Variants in PARD3B observed in about 807,000 individuals in gnomAD.
PARD3B encodes the protein partitioning defective 3 homolog B.
Under a neutral mutation model 130.2 loss-of-function variants are expected in PARD3B, and 103 were observed. That is an observed-to-expected ratio of 0.79 (90% CI 0.67 to 0.93). The LOEUF (loss-of-function observed/expected upper bound fraction) is 0.93. PARD3B is among the 40% of genes least tolerant of loss of function. The pLI is 0.00. For missense variants in PARD3B, 1,609 were observed against 1,499.2 expected, an observed-to-expected ratio of 1.07 and a Z score of -1.21; for synonymous variants, 583 against 553.2, an observed-to-expected ratio of 1.05 and a Z score of -0.76.
chr2:204,794,006 A>G (rs2042283683), intron 2 of PARD3B, among the ~76,000 whole-genome samples: 2 of 152,136 alleles, frequency 1.3e-5, no homozygotes, highest in Non-Finnish European at 2.9e-5. Flanking sequence ...GATTTGTGTA[A>G]TCTCAATATG....
chr2:205,127,261 C>A (rs542573102), intron 10 of PARD3B, among the ~76,000 whole-genome samples: 4 of 142,100 alleles, frequency 2.8e-5, no homozygotes, highest in African/African-American at 1.1e-4. Flanking sequence ...TGCACGAGTG[C>A]GCTCCAGCCT....
chr2:205,248,871 T>G (rs1484465113), intron 16 of PARD3B, among the ~76,000 whole-genome samples: 1 of 152,080 alleles, frequency 6.6e-6, no homozygotes, highest in African/African-American at 2.4e-5. Flanking sequence ...CCTCCCAAAG[T>G]GCTGGGATTA....
chr2:205,311,331 T>C (rs2042379286), intron 18 of PARD3B, among the ~76,000 whole-genome samples: 2 of 152,322 alleles, frequency 1.3e-5, no homozygotes, highest in East Asian at 1.9e-4. Context: ...CCGACACTTA[T>C]CTTTCATGTT....
chr2:205,052,560 A>T (rs1699297298), intron 4 of PARD3B, among the ~76,000 whole-genome samples: 1 of 150,056 alleles, frequency 6.7e-6, no homozygotes, highest in Non-Finnish European at 1.5e-5. Flanking sequence ...TAGCCAGGGG[A>T]TGGGGGTGTG....
chr2:204,643,435 A>G (rs536058482), intron 1 of PARD3B, among the ~76,000 whole-genome samples: 1 of 152,126 alleles, frequency 6.6e-6, no homozygotes, highest in East Asian at 1.9e-4. Flanking sequence ...ACCATCTCAA[A>G]CACATGTCTA....
intron 20 of PARD3B, among the ~76,000 whole-genome samples, chr2:205,474,182 A>G (rs2048946029): frequency 6.6e-6 from 1 of 152,060 alleles, no homozygotes; most frequent in South Asian, 2.1e-4. Flanking sequence ...TATTATTTAA[A>G]GATATACTTT....
intron 20 of PARD3B, among the ~76,000 whole-genome samples, chr2:205,447,006 GT>G (rs1228414531): frequency 6.6e-6 from 1 of 152,168 alleles, no homozygotes; most frequent in African/African-American, 2.4e-5. Context: ...TGCCAAATGG[GT>G]TTGATTGCAC....
rs1205933583 is a variant in PARD3B, at chr2:205,609,926, G to A, written c.3261-5530G>A. Among the ~76,000 whole-genome samples, 4 of 152,338 alleles carry A rather than the reference G, an allele frequency of 2.6e-5. No homozygotes were observed. In the East Asian group the frequency reaches 7.7e-4, roughly 29 times the overall value. On this transcript the variant is annotated intron_variant, in intron 22 of 22. Transcript: ENST00000406610. ...TACACTCTGCCTTGAGACATGTAGA[G>A]GAAGTGTGCTCAGTTCTGTATTGCA...
chr2:205,275,404 A>C (rs2040899760), intron 16 of PARD3B, among the ~76,000 whole-genome samples: 3 of 152,210 alleles, frequency 2.0e-5, no homozygotes, highest in Admixed American at 2.0e-4. Context: ...TTCGGCTATA[A>C]AAATCAGGAG....
In PARD3B at chr2:205,274,009, C is replaced by G. The variant is rs2040844182; in HGVS notation, c.2186-26521C>G. Among the ~76,000 whole-genome samples the G allele has an allele frequency of 6.6e-6, 1 of 152,104 alleles. No individual in the cohort carries two copies. Among genetic ancestry groups the G allele is most frequent in the African/African-American group, 2.4e-5 (1 of 41,414 alleles). On this transcript the variant is annotated intron_variant, in intron 16 of 22. Transcript: ENST00000406610. This position sits in a 1 kb window ranked among gnomAD's most constrained non-coding sequence, Gnocchi z 4.2. Reference sequence around the variant, plus strand: ...ACCACCATGAGTGTGTGTAATTACTCTGGTTACTTCATTGCACATTTGAGG... The same window carrying G: ...ACCACCATGAGTGTGTGTAATTACTGTGGTTACTTCATTGCACATTTGAGG...
intron 2 of PARD3B, among the ~76,000 whole-genome samples, chr2:204,788,871 A>G (rs935253484): frequency 6.6e-6 from 1 of 152,228 alleles, no homozygotes; most frequent in African/African-American, 2.4e-5. Flanking sequence ...TTTTTATACA[A>G]CATTATGTAT....
intron 18 of PARD3B, among the ~76,000 whole-genome samples, chr2:205,310,281 G>T (rs1014904899): frequency 2.0e-5 from 3 of 151,680 alleles, no homozygotes; most frequent in Admixed American, 1.3e-4. Flanking sequence ...TAGAGACGGG[G>T]TTTCACCATG....
At chr2:204,988,734 T>C (rs1693393197) in intron 3 of PARD3B, among the ~76,000 whole-genome samples, 1 of 152,174 alleles carries the variant, frequency 6.6e-6, no homozygotes, top group African/African-American at 2.4e-5. Flanking sequence ...GTTCTTCATA[T>C]CATACTCCTG....
At chr2:204,919,273 A>G (rs529085684) in intron 2 of PARD3B, among the ~76,000 whole-genome samples, 1 of 152,180 alleles carries the variant, frequency 6.6e-6, no homozygotes, top group African/African-American at 2.4e-5. Context: ...AAATTTACAT[A>G]TGATGAAATG....
chr2:204,884,728 A>G (rs2046209633), intron 2 of PARD3B, among the ~76,000 whole-genome samples: 1 of 152,186 alleles, frequency 6.6e-6, no homozygotes, highest in African/African-American at 2.4e-5. Flanking sequence ...CTGTTCCTGC[A>G]TCAATTTCTT....
intron 10 of PARD3B, among the ~76,000 whole-genome samples, chr2:205,137,868 T>C (rs1403915885): frequency 6.6e-6 from 1 of 152,204 alleles, no homozygotes; most frequent in Admixed American, 6.5e-5. Flanking sequence ...GGCTCATAAG[T>C]CTTAACTTTG....
intron 2 of PARD3B, among the ~76,000 whole-genome samples, chr2:204,733,681 G>A (rs529972886): frequency 4.1e-4 from 62 of 152,178 alleles, no homozygotes; most frequent in Admixed American, 3.0e-3. Flanking sequence ...TGGTATTGAC[G>A]TTAGGTTAGA....
At chr2:204,925,350 C>T (rs1171847638) in intron 2 of PARD3B, among the ~76,000 whole-genome samples, 1 of 152,002 alleles carries the variant, frequency 6.6e-6, no homozygotes, top group Non-Finnish European at 1.5e-5. Context: ...CATTGTTTAA[C>T]TTTGTAGCTG....
At chr2:205,273,978 G>A (rs1462371068) in intron 16 of PARD3B, among the ~76,000 whole-genome samples, 5 of 152,114 alleles carry the variant, frequency 3.3e-5, no homozygotes, top group Non-Finnish European at 5.9e-5. Flanking sequence ...GGGTTGCAGA[G>A]CACACACCAC....
Sources: allele counts gnomAD v4.1 joint callset (sites outside exome capture counted in the v4.1 genomes callset), GRCh38; gene constraint gnomAD v4.1.1; non-coding constraint Gnocchi (gnomAD v3.1); transcripts MANE v1.5; gene names NCBI Gene and HGNC (gene_info 2026-07-23, HGNC 2026-07-21).